Variants in PLK4 observed in about 807,000 individuals in gnomAD.
PLK4 encodes the protein serine/threonine-protein kinase PLK4.
Under a neutral mutation model 103.0 loss-of-function variants are expected in PLK4, and 51 were observed. The observed-to-expected ratio is 0.50, with a 90% CI of 0.40 to 0.63. The LOEUF (loss-of-function observed/expected upper bound fraction) is 0.63, where lower values mean the gene tolerates loss of function less well. PLK4 is among the 20% of genes least tolerant of loss of function. The probability of loss-of-function intolerance (pLI) is 0.00; values close to 1 mark genes in which losing one functional copy is unlikely to be tolerated. For missense variants in PLK4, 1,054 were observed against 1,151.0 expected (o/e 0.92, Z 1.22); for synonymous variants, 389 against 376.8 (o/e 1.03, Z -0.38).
intron 14 of PLK4, among the ~76,000 whole-genome samples, chr4:127,895,929 A>T (rs1011325844): frequency 2.6e-5 from 4 of 152,174 alleles, no homozygotes; most frequent in African/African-American, 9.7e-5. Context: ...TTGAGTTTCA[A>T]ACTTATAGAA....
In PLK4 at chr4:127,881,161, C is replaced by A. The variant is rs377190677; in HGVS notation, c.27C>A (p.Ile9=). 1 of 1,613,884 alleles carries A rather than the reference C, an allele frequency of 6.2e-7. No individual in the cohort carries two copies. Among genetic ancestry groups the A allele is most frequent in the South Asian group, 1.1e-5 (1 of 91,074 alleles). Residue 9 remains isoleucine, a synonymous_variant, in exon 1 of 16, where the codon ATC becomes ATA. Coordinates refer to ENST00000270861, the MANE Select transcript of PLK4 (RefSeq NM_014264.5). MATCIGEK[I]EDFKVGNLLG... ...TGGCGACCTGCATCGGGGAGAAGAT[C>A]GAGGTGAAAAGACTCGGCAGTCTGC... is the stretch of plus-strand genomic sequence containing the variant.
intron 14 of PLK4, 31 bp from the exon 15 acceptor site, chr4:127,896,770 C>CT: frequency 7.8e-7 from 1 of 1,276,518 alleles, no homozygotes; most frequent in Non-Finnish European, 1.1e-6. Flanking sequence ...TTTTCTGTGC[C>CT]TGTTCTTACC....
intron 2 of PLK4, among the ~76,000 whole-genome samples, chr4:127,883,010 T>C (rs755506601): frequency 2.0e-5 from 3 of 152,054 alleles, no homozygotes; most frequent in Admixed American, 2.0e-4. Flanking sequence ...TTTTTCTTAA[T>C]AGTTAGGCTA....
At chr4:127,892,259 A>G (rs748432553) in intron 9 of PLK4, 106 bp from the exon 10 acceptor site, 37 of 695,988 alleles carry the variant, frequency 5.3e-5, no homozygotes, top group African/African-American at 9.4e-5. Flanking sequence ...AGAAAAGAAT[A>G]AGAAAACCTG....
intron 6 of PLK4, among the ~76,000 whole-genome samples, chr4:127,888,641 C>T (rs974126253): frequency 5.3e-5 from 8 of 152,132 alleles, no homozygotes; most frequent in African/African-American, 1.9e-4. Flanking sequence ...AGCTATCATC[C>T]AAGTCATGTT....
At chr4:127,881,201 G>T (rs745442899) in intron 1 of PLK4, 37 bp downstream of exon 1, 1 of 1,613,458 alleles carries the variant, frequency 6.2e-7, no homozygotes, top group Non-Finnish European at 8.5e-7. Context: ...GGGCGGGTGG[G>T]AGTAATTGTG....
At chr4:127,897,830 T>TTTTTTTTTG (rs1735630928) in intron 15 of PLK4, among the ~76,000 whole-genome samples, 1 of 81,432 alleles carries the variant, frequency 1.2e-5, no homozygotes, top group East Asian at 6.0e-4. Flanking sequence ...AGGGCTTTTT[T>TTTTTTTTTG]TTTTTTTTTT....
Position 127,883,362 on chromosome 4 carries a change from GA to G in PLK4, c.222+6del. Reference sequence around the variant, plus strand: ...AAACATCCTTCTATCTTGGAGGTAAGATATAAATTTTGTAGAAGTGACCAAG... The same window carrying G: ...AAACATCCTTCTATCTTGGAGGTAAGTATAAATTTTGTAGAAGTGACCAAG... On this transcript the variant is annotated splice_donor_region_variant and intron_variant, in intron 3 of 15. Coordinates refer to ENST00000270861, the MANE Select transcript of PLK4 (RefSeq NM_014264.5). The G allele has an allele frequency of 6.4e-7, 1 of 1,555,608 alleles. No homozygotes were observed.
rs1292183594 is a variant in PLK4 at position 127,892,524 on chromosome 4, ATTTGGAAATGGTAATT to A, written c.2188+12_2188+27del. 3.8e-6 allele frequency: 6 copies of A among 1,599,128 alleles called. No individual in the cohort carries two copies. The highest frequency in any genetic ancestry group is 5.1e-6 in the Non-Finnish European group (6 of 1,172,860). Reference sequence around the variant, plus strand: ...GTTTGGTTTTATGATGGTAAGTACCATTTGGAAATGGTAATTTGTTCCTTTAGTTTGTAATTTAGTA... The same window carrying A: ...GTTTGGTTTTATGATGGTAAGTACCATGTTCCTTTAGTTTGTAATTTAGTA... On this transcript the variant is annotated intron_variant, in intron 10 of 15. Coordinates refer to ENST00000270861, the MANE Select transcript of PLK4 (RefSeq NM_014264.5).
At chr4:127,881,384 C>T (rs1019280064) in intron 1 of PLK4, 15 of 1,426,974 alleles carry the variant, frequency 1.1e-5, no homozygotes, top group South Asian at 6.0e-5. Flanking sequence ...AGTCCCTCCC[C>T]GCCCGGCAGT....
chr4:127,884,602 G>A (rs1219157299), intron 4 of PLK4, among the ~76,000 whole-genome samples: 4 of 152,068 alleles, frequency 2.6e-5, no homozygotes, highest in Middle Eastern at 3.2e-3. Context: ...TCAGGAGTTC[G>A]AGACCAGCCT....
chr4:127,884,332 A>G (rs1314992520), intron 4 of PLK4, among the ~76,000 whole-genome samples: 1 of 152,250 alleles, frequency 6.6e-6, no homozygotes, highest in African/African-American at 2.4e-5. Flanking sequence ...ATCTGAATCT[A>G]TATAAGCCAT....
chr4:127,898,551 C>T lies in PLK4; in HGVS notation c.*10C>T, dbSNP rs768531804. The T allele has an allele frequency of 1.0e-5, 12 of 1,189,282 alleles. No homozygotes were observed. The highest frequency in any genetic ancestry group is 2.6e-5 in the South Asian group (2 of 76,474). The allele number at this position is 1,189,282 out of a possible 1,614,324, so 73.7% of individuals were successfully genotyped here. ...TCCTAATTTTCATTGATTAAAACTC[C>T]TTTCAGACATATAAGTTTAATAAAT... is the stretch of plus-strand genomic sequence containing the variant. On this transcript the variant is annotated 3_prime_UTR_variant, in exon 16 of 16. Coordinates refer to ENST00000270861, the MANE Select transcript of PLK4 (RefSeq NM_014264.5).
In PLK4 at chr4:127,896,846, T is replaced by C. The variant is rs1339933496; in HGVS notation, c.2749T>C (p.Leu917=). The part of the protein sequence containing the change: ...VWVQFNDGSQ[L]VVQAGVSSIS... Reference sequence around the variant, plus strand: ...GGTTCAGTTTAATGATGGGTCCCAGTTGGTTGTGCAGGCAGGAGTGTCTTC... The same window carrying C: ...GGTTCAGTTTAATGATGGGTCCCAGCTGGTTGTGCAGGCAGGAGTGTCTTC... The change falls in exon 15 of 16, where the codon TTG becomes CTG. Residue 917 remains leucine, a synonymous_variant. Coordinates refer to ENST00000270861, the MANE Select transcript of PLK4 (RefSeq NM_014264.5). 9 of 1,612,814 alleles carry C rather than the reference T, an allele frequency of 5.6e-6. No individual in the cohort carries two copies. Among genetic ancestry groups the C allele is most frequent in the Non-Finnish European group, 7.6e-6 (9 of 1,179,222 alleles).
Position 127,898,422 on chromosome 4 carries a change from T to C in PLK4, c.2811-17T>C. The C allele has an allele frequency of 8.6e-7, 1 of 1,167,568 alleles. No individual in the cohort carries two copies. 72.3% of individuals were successfully genotyped at this position (1,167,568 alleles called of 1,614,324 possible). A position where few individuals can be genotyped will look rare whatever the true frequency, so the allele number is the denominator to read the frequency against. On this transcript the variant is annotated splice_polypyrimidine_tract_variant and intron_variant, in intron 15 of 15. Coordinates refer to ENST00000270861, the MANE Select transcript of PLK4 (RefSeq NM_014264.5). ...ATTCAGTTACGATTTTGTCTTTTTT[T>C]CTTTTGCTTCACTTAGGTATGGAGA...
intron 1 of PLK4, chr4:127,881,385 G>C: frequency 7.0e-7 from 1 of 1,425,516 alleles, no homozygotes; most frequent in Non-Finnish European, 9.1e-7. Flanking sequence ...GTCCCTCCCC[G>C]CCCGGCAGTG....
At chr4:127,891,849 TTTA>T (rs1274401956) in intron 9 of PLK4, 168 bp downstream of exon 9, 2 of 355,390 alleles carry the variant, frequency 5.6e-6, no homozygotes, top group African/African-American at 2.1e-5. Flanking sequence ...TAATGCAATG[TTTA>T]TTATTAATAT....
At chr4:127,890,880 C>T (rs2148821311) in intron 7 of PLK4, 1 of 356,630 alleles carries the variant, frequency 2.8e-6, no homozygotes, top group East Asian at 4.1e-5. Flanking sequence ...ATTATCACTT[C>T]ACACTTCATT....
chr4:127,890,549 A>G (rs922522744), intron 7 of PLK4, among the ~76,000 whole-genome samples: 1 of 152,288 alleles, frequency 6.6e-6, no homozygotes, highest in Non-Finnish European at 1.5e-5. Flanking sequence ...CACAATTCCA[A>G]TCAGTGAGCT....
Sources: allele counts gnomAD v4.1 joint callset (sites outside exome capture counted in the v4.1 genomes callset), GRCh38; gene constraint gnomAD v4.1.1; transcripts MANE v1.5; gene names NCBI Gene and HGNC (gene_info 2026-07-23, HGNC 2026-07-21).